FRY: variants seen among roughly 807,000 people sequenced by gnomAD.
The protein encoded by FRY is protein furry homolog.
In FRY, 128 loss-of-function variants were observed where a neutral mutation model predicts 348.4. That is an observed-to-expected ratio of 0.37 (90% CI 0.32 to 0.43). FRY has a LOEUF of 0.43. Ranked by LOEUF, FRY falls within the 20% of genes least tolerant of loss-of-function variation. The pLI is 1.00. For synonymous variants in FRY, 1,370 were observed against 1,374.7 expected (o/e 1.00, Z 0.08); for missense variants, 2,736 against 3,695.2 (o/e 0.74, Z 6.73).
In FRY at chr13:32,279,133, G is replaced by A. The variant is rs114717843; in HGVS notation, c.8469+585G>A. Among the ~76,000 whole-genome samples the A allele has an allele frequency of 2.6e-3, 394 of 152,300 alleles. 1 individual carries two copies. Among genetic ancestry groups the A allele is most frequent in the African/African-American group, 9.0e-3 (373 of 41,560 alleles). Reference sequence around the variant, plus strand: ...TTGTGGAGCTTCTGATCTTGTCAGCGAGACAGACATTAATGAAACAGTCAT... The same window carrying A: ...TTGTGGAGCTTCTGATCTTGTCAGCAAGACAGACATTAATGAAACAGTCAT... On this transcript the variant is annotated intron_variant, in intron 58 of 60. Transcript: ENST00000542859.
chr13:32,214,139 A>G (rs1431340121), intron 35 of FRY, among the ~76,000 whole-genome samples: 1 of 152,084 alleles, frequency 6.6e-6, no homozygotes, highest in East Asian at 1.9e-4. Flanking sequence ...CACCTACACT[A>G]TTTGTCTACT....
At chr13:32,201,369 T>C (rs866114775) in intron 29 of FRY, among the ~76,000 whole-genome samples, 1 of 152,164 alleles carries the variant, frequency 6.6e-6, no homozygotes, top group Non-Finnish European at 1.5e-5. Flanking sequence ...TCTCGTAGCA[T>C]GCTGTGGATG....
chr13:32,261,704 G>C lies in FRY; in HGVS notation c.7505G>C (p.Arg2502Pro). The C allele has an allele frequency of 6.2e-7, 1 of 1,614,044 alleles. No homozygotes were observed. The highest frequency in any genetic ancestry group is 2.2e-5 in the East Asian group (1 of 44,876). ...TGTGATATGCAGATTCTGGAGGAGC[G>C]CCAACTGTCAGGAAGCACTCCTAGC... is the stretch of plus-strand genomic sequence containing the variant. ...DKCDMQILEE[R>P]QLSGSTPSLN... Residue 2502 changes from arginine to proline, a missense_variant, in exon 52 of 61, where the codon CGC (arginine) becomes CCC (proline). Around this residue, in one of 9 missense-constraint regions of FRY, gnomAD observed 789 missense variants for 996.2 expected, o/e 0.79. Coordinates refer to ENST00000542859, the MANE Select transcript of FRY (RefSeq NM_023037.3).
At chr13:32,251,048 G>A (rs909128542) in intron 49 of FRY, among the ~76,000 whole-genome samples, 9 of 152,174 alleles carry the variant, frequency 5.9e-5, no homozygotes, top group African/African-American at 1.9e-4. Context: ...ATTGAGTTCC[G>A]TTAAGAAGAA....
At chr13:32,235,071 T>C (rs753980274) in intron 42 of FRY, among the ~76,000 whole-genome samples, 28 of 152,186 alleles carry the variant, frequency 1.8e-4, no homozygotes, top group Non-Finnish European at 2.8e-4. Flanking sequence ...TTTTGTATAG[T>C]TTGGGGTTTC....
At chr13:32,056,004 AAT>A (rs1873602548) in intron 1 of FRY, among the ~76,000 whole-genome samples, 1 of 152,082 alleles carries the variant, frequency 6.6e-6, no homozygotes, top group African/African-American at 2.4e-5. Context: ...CAGCCTGGCC[AAT>A]ATGGTGAAAC....
At chr13:32,059,000 A>G (rs1356581346) in intron 1 of FRY, among the ~76,000 whole-genome samples, 1 of 152,188 alleles carries the variant, frequency 6.6e-6, no homozygotes, top group Non-Finnish European at 1.5e-5. Context: ...GTAGATGGTA[A>G]TGCTTACCTT....
intron 46 of FRY, among the ~76,000 whole-genome samples, chr13:32,241,219 G>T (rs550461540): frequency 3.3e-5 from 5 of 152,298 alleles, no homozygotes; most frequent in African/African-American, 1.2e-4. Flanking sequence ...TTAAAATAAG[G>T]TGAAGTGTAG....
intron 15 of FRY, among the ~76,000 whole-genome samples, 163 bp from the exon 16 acceptor site, chr13:32,157,110 T>C (rs1463205765): frequency 6.6e-6 from 1 of 152,248 alleles, no homozygotes; most frequent in African/African-American, 2.4e-5. Context: ...TGCAAGGCAC[T>C]ATGCTAAAAG....
intron 1 of FRY, among the ~76,000 whole-genome samples, chr13:32,066,138 T>C (rs949875561): frequency 6.6e-5 from 10 of 152,236 alleles, no homozygotes; most frequent in African/African-American, 2.4e-4. Flanking sequence ...AAATCGGGGT[T>C]CAAACAAGGT....
chr13:32,187,561 CTG>C lies in FRY; in HGVS notation c.3499_3500del (p.Cys1167LeufsTer6). 1 of 1,605,474 alleles carries C rather than the reference CTG, an allele frequency of 6.2e-7. No homozygotes were observed. Among genetic ancestry groups the C allele is most frequent in the Non-Finnish European group, 8.5e-7 (1 of 1,172,094 alleles). ...YCALKAMSAVLCCGPVFDNVG... is the reference protein window; with the variant it reads ...YCALKAMSAVXCCGPVFDNVG... Reference sequence around the variant, plus strand: ...TTATCATCAGGCAATGTCAGCAGTACTGTGCTGTGGCCCTGTCTTTGACAATG... The same window carrying C: ...TTATCATCAGGCAATGTCAGCAGTACTGCTGTGGCCCTGTCTTTGACAATG... On this transcript the variant is annotated frameshift_variant, in exon 28 of 61. Transcript: ENST00000542859. LOFTEE classifies it high-confidence loss of function.
chr13:32,049,093 G>C (rs768912983), intron 1 of FRY, among the ~76,000 whole-genome samples: 1 of 152,206 alleles, frequency 6.6e-6, no homozygotes, highest in Non-Finnish European at 1.5e-5. Flanking sequence ...CCCATGCCAG[G>C]CATTGTGCTG....
intron 4 of FRY, among the ~76,000 whole-genome samples, chr13:32,121,422 C>T (rs115813449): frequency 1.4e-3 from 211 of 152,316 alleles, no homozygotes; most frequent in African/African-American, 4.7e-3. Flanking sequence ...ACTGCATCCA[C>T]GCCAACATCT....
At position 32,295,054 on chromosome 13, in the gene FRY, A is replaced by G; in HGVS notation, c.8784-148A>G. On this transcript the variant is annotated intron_variant, in intron 60 of 60. Coordinates refer to ENST00000542859, the MANE Select transcript of FRY (RefSeq NM_023037.3). ...GATACTAAAACCCACTGAATTGTTT[A>G]CCTTAGATGAGTGAATTACCTGATA... 4 of 734,254 alleles carry G rather than the reference A, an allele frequency of 5.4e-6. No individual in the cohort carries two copies. The Admixed American group carries it at 6.0e-5, about 11-fold the overall frequency. The allele number at this position is 734,254 out of a possible 1,614,324, so 45.5% of individuals were successfully genotyped here. A position where few individuals can be genotyped will look rare whatever the true frequency, so the allele number is the denominator to read the frequency against.
chr13:32,106,373 A>C (rs1313409395), intron 3 of FRY, among the ~76,000 whole-genome samples: 2 of 152,058 alleles, frequency 1.3e-5, no homozygotes, highest in Non-Finnish European at 2.9e-5. Context: ...TGTTTCTAAA[A>C]ACTAGGTTGA....
chr13:32,248,769 G>A (rs1014123434), intron 48 of FRY, among the ~76,000 whole-genome samples: 3 of 152,066 alleles, frequency 2.0e-5, no homozygotes, highest in Non-Finnish European at 4.4e-5. Context: ...AACCTGGCTA[G>A]GGGGAAAAGC....
At chr13:32,118,792 A>G (rs775140902) in intron 4 of FRY, among the ~76,000 whole-genome samples, 5 of 152,206 alleles carry the variant, frequency 3.3e-5, no homozygotes, top group Non-Finnish European at 7.3e-5. Flanking sequence ...TTTTAAAAAT[A>G]GAATTTAAAT....
intron 17 of FRY, among the ~76,000 whole-genome samples, chr13:32,163,770 T>G (rs1881583840): frequency 6.6e-6 from 1 of 152,176 alleles, no homozygotes; most frequent in Admixed American, 6.5e-5. Flanking sequence ...GCCAGGCGTG[T>G]TGGGAGGGAA....
At chr13:32,124,162 C>A in intron 4 of FRY, 124 bp from the exon 5 acceptor site, 1 of 693,310 alleles carries the variant, frequency 1.4e-6, no homozygotes, top group Non-Finnish European at 2.6e-6. Flanking sequence ...TCTACCAGTG[C>A]AATTATATAA....
Sources: allele counts gnomAD v4.1 joint callset (sites outside exome capture counted in the v4.1 genomes callset), GRCh38; gene constraint gnomAD v4.1.1; regional missense constraint gnomAD v4.1.1; transcripts MANE v1.5; gene names NCBI Gene and HGNC (gene_info 2026-07-23, HGNC 2026-07-21).